DNAH12: variants seen among roughly 807,000 people sequenced by gnomAD.
DNAH12 encodes the protein dynein axonemal heavy chain 12, also known as axonemal beta dynein heavy chain 12.
A neutral mutation model predicts 371.5 loss-of-function variants in DNAH12; 285 were observed. That is an observed-to-expected ratio of 0.77 (90% confidence interval 0.70 to 0.85). The LOEUF is 0.85. Among genes scored for constraint, DNAH12 ranks in the 40% least tolerant of loss-of-function variants. DNAH12 has a pLI of 0.00. For synonymous variants in DNAH12, 1,200 were observed against 1,213.0 expected (o/e 0.99, Z 0.22); for missense variants, 3,611 against 3,689.4 (o/e 0.98, Z 0.55).
At chr3:57,319,580 T>C (rs1337071292) in intron 65 of DNAH12, among the ~76,000 whole-genome samples, 1 of 152,078 alleles carries the variant, frequency 6.6e-6, no homozygotes, top group Non-Finnish European at 1.5e-5. Flanking sequence ...GTTTTTTGGT[T>C]TTGTTTTGTT....
At chr3:57,394,926 C>G (rs2063705362) in intron 43 of DNAH12, among the ~76,000 whole-genome samples, 4 of 152,104 alleles carry the variant, frequency 2.6e-5, no homozygotes, top group African/African-American at 9.7e-5. Flanking sequence ...TGTGCTGAAG[C>G]TGACTTGTAT....
intron 59 of DNAH12, among the ~76,000 whole-genome samples, chr3:57,355,295 T>C (rs957104887): frequency 6.6e-6 from 1 of 152,162 alleles, no homozygotes; most frequent in Non-Finnish European, 1.5e-5. Flanking sequence ...TGGTACAGGA[T>C]TGAATTTTGG....
chr3:57,404,589 G>A (rs981367280), intron 42 of DNAH12, among the ~76,000 whole-genome samples: 6 of 152,022 alleles, frequency 3.9e-5, no homozygotes, highest in Non-Finnish European at 5.9e-5. Flanking sequence ...GCATGCCGGC[G>A]CATGCCTGTA....
intron 32 of DNAH12, among the ~76,000 whole-genome samples, chr3:57,432,589 T>C (rs1282551259): frequency 6.6e-6 from 1 of 152,148 alleles, no homozygotes; most frequent in Admixed American, 6.5e-5. Flanking sequence ...AGGATACTAA[T>C]ATAGACATAA....
intron 19 of DNAH12, among the ~76,000 whole-genome samples, chr3:57,461,182 G>A (rs2066043796): frequency 6.6e-6 from 1 of 151,924 alleles, no homozygotes; most frequent in African/African-American, 2.4e-5. Flanking sequence ...ACAGGGTCTA[G>A]GTTTTCTAAA....
At chr3:57,331,869 G>A (rs776757362) in intron 62 of DNAH12, among the ~76,000 whole-genome samples, 6 of 151,864 alleles carry the variant, frequency 4.0e-5, no homozygotes, top group Non-Finnish European at 7.4e-5. Flanking sequence ...ACATCTGATC[G>A]CCCTCCATAT....
chr3:57,495,008 C>CA (rs34521012), intron 11 of DNAH12, among the ~76,000 whole-genome samples: 98,899 of 147,348 alleles, frequency 0.67, 32,916 homozygotes, highest in South Asian at 0.75. Flanking sequence ...GACCCTGTCT[C>CA]AAAAAAAAAA....
At chr3:57,499,683 A>T (rs1280143565) in intron 11 of DNAH12, among the ~76,000 whole-genome samples, 1 of 94,182 alleles carries the variant, frequency 1.1e-5, no homozygotes, top group Non-Finnish European at 2.1e-5. Context: ...TATACTTCTT[A>T]AAAAAATTAG....
At chr3:57,347,826 G>T (rs1226702955) in intron 60 of DNAH12, among the ~76,000 whole-genome samples, 1 of 151,776 alleles carries the variant, frequency 6.6e-6, no homozygotes, top group Non-Finnish European at 1.5e-5. Context: ...CATTTCATTA[G>T]GAAATTCCAA....
chr3:57,525,753 A>ATT (rs1553720003), intron 2 of DNAH12, among the ~76,000 whole-genome samples: 11 of 62,814 alleles, frequency 1.8e-4, no homozygotes, highest in South Asian at 6.4e-4. Context: ...AGTATGTCTT[A>ATT]TTCTTTTTTT....
chr3:57,418,846 T>C (rs1487309721), intron 37 of DNAH12, among the ~76,000 whole-genome samples: 2 of 152,042 alleles, frequency 1.3e-5, no homozygotes, highest in African/African-American at 2.4e-5. Context: ...TATTAAATGT[T>C]ATTAAGAAAG....
intron 60 of DNAH12, among the ~76,000 whole-genome samples, chr3:57,343,127 C>T (rs1183887155): frequency 1.3e-5 from 2 of 151,720 alleles, no homozygotes; most frequent in African/African-American, 4.8e-5. Context: ...AAGGACAACA[C>T]ACAAATGGCC....
intron 43 of DNAH12, among the ~76,000 whole-genome samples, chr3:57,399,093 G>A (rs2063803139): frequency 6.6e-6 from 1 of 152,114 alleles, no homozygotes; most frequent in African/African-American, 2.4e-5. Context: ...TAGGTTGTTA[G>A]CAGTTTAAAA....
intron 62 of DNAH12, among the ~76,000 whole-genome samples, chr3:57,331,307 C>A (rs1344681644): frequency 6.6e-6 from 1 of 152,162 alleles, no homozygotes; most frequent in African/African-American, 2.4e-5. Flanking sequence ...TGCAAATAGG[C>A]AGGTGTTCCC....
chr3:57,401,296 T>C (rs1299101317), intron 43 of DNAH12, among the ~76,000 whole-genome samples: 1 of 151,124 alleles, frequency 6.6e-6, no homozygotes, highest in Non-Finnish European at 1.5e-5. Context: ...ACATCTGTAA[T>C]CCTAGCAGTT....
At chr3:57,345,424 G>A (rs2153317597) in intron 60 of DNAH12, among the ~76,000 whole-genome samples, 1 of 152,196 alleles carries the variant, frequency 6.6e-6, no homozygotes, top group Non-Finnish European at 1.5e-5. Flanking sequence ...ACTTTGTATG[G>A]GTCTTATGTT....
chr3:57,510,704 C>A (rs2067960162), intron 5 of DNAH12, 86 bp downstream of exon 5: 3 of 1,167,240 alleles, frequency 2.6e-6, no homozygotes, highest in Admixed American at 2.3e-5. Context: ...GTTCATTACT[C>A]ATTTTGCTTA....
At chr3:57,386,790 A>G (rs1457634262) in intron 46 of DNAH12, among the ~76,000 whole-genome samples, 187 bp from the exon 47 acceptor site, 2 of 152,230 alleles carry the variant, frequency 1.3e-5, no homozygotes, top group African/African-American at 4.8e-5. Flanking sequence ...TAAAATACCA[A>G]CTAGTGGTGA....
Position 57,535,386 on chromosome 3 carries a change from C to G in DNAH12, c.170+7315G>C, listed in dbSNP as rs114557937. Among the ~76,000 whole-genome samples the G allele has an allele frequency of 4.9e-3, 739 of 152,318 alleles. 5 individuals are homozygous for G. Among genetic ancestry groups the G allele is most frequent in the African/African-American group, 0.017 (703 of 41,570 alleles). On this transcript the variant is annotated intron_variant, in intron 2 of 73. Transcript: ENST00000495027. ...AATGGCTTTGTTATAAAAGCAAGCT[C>G]TCTCTGACTGTCTTGCCCTCTCACC...
Sources: allele counts gnomAD v4.1 joint callset (sites outside exome capture counted in the v4.1 genomes callset), GRCh38; gene constraint gnomAD v4.1.1; transcripts MANE v1.5; gene names NCBI Gene and HGNC (gene_info 2026-07-23, HGNC 2026-07-21).